Variants in DOP1B observed in about 807,000 individuals in gnomAD.
DOP1B encodes the protein DOP1 leucine zipper like protein B, also known as protein DOP1B.
DOP1B carries 174 observed loss-of-function variants against 233.5 expected under a neutral mutation model. The ratio of observed to expected loss-of-function variants is 0.75; its 90% confidence interval spans 0.66 to 0.85. The LOEUF is 0.85. Ranked by LOEUF, DOP1B falls within the 40% of genes least tolerant of loss-of-function variation. DOP1B has a pLI of 0.00. For synonymous variants in DOP1B, 1,190 were observed against 1,185.6 expected, an observed-to-expected ratio of 1.00 and a Z score of -0.08; for missense variants, 2,652 against 2,846.6, an observed-to-expected ratio of 0.93 and a Z score of 1.56.
intron 2 of DOP1B, among the ~76,000 whole-genome samples, chr21:36,193,017 C>A (rs1328645528): frequency 6.6e-6 from 1 of 152,140 alleles, no homozygotes; most frequent in Non-Finnish European, 1.5e-5. Flanking sequence ...CAAGGAAATT[C>A]ATACTGTTTT....
chr21:36,237,525 A>G, intron 16 of DOP1B, 111 bp downstream of exon 16: 1 of 1,335,104 alleles, frequency 7.5e-7, no homozygotes, highest in Non-Finnish European at 1.0e-6. Flanking sequence ...CTGAGTGGAC[A>G]TCGTGATTAA....
At chr21:36,160,698 G>A (rs1964180) in intron 1 of DOP1B, among the ~76,000 whole-genome samples, 119,249 of 152,004 alleles carry the variant, frequency 0.78, 46,817 homozygotes, top group East Asian at 0.83. Context: ...TGCTGGTCAC[G>A]AACTCCTGAT....
chr21:36,217,301 C>G (rs1408972361), intron 9 of DOP1B, among the ~76,000 whole-genome samples: 11 of 152,172 alleles, frequency 7.2e-5, no homozygotes, highest in Admixed American at 3.3e-4. Flanking sequence ...TAATAATAAC[C>G]ATGGCTGACA....
At chr21:36,192,504 C>T (rs908709890) in intron 2 of DOP1B, among the ~76,000 whole-genome samples, 1 of 151,818 alleles carries the variant, frequency 6.6e-6, no homozygotes, top group South Asian at 2.1e-4. Context: ...CTCAGCCTCC[C>T]AGGTAGCTAG....
Position 36,260,688 on chromosome 21 carries a change from A to C in DOP1B, c.5271A>C (p.Leu1757=). 1 of 1,614,114 alleles carries C rather than the reference A, an allele frequency of 6.2e-7. No homozygotes were observed. Among genetic ancestry groups the C allele is most frequent in the Admixed American group, 1.7e-5 (1 of 60,000 alleles). Residue 1757 remains leucine (L), a synonymous_variant, in exon 24 of 37, where the codon CTA becomes CTC. Transcript: ENST00000691173. The part of the protein sequence containing the change: ...QVKGGDEKSP[L]VDIPVLQFCY... ...ACTTTCATTTTCAGAAATCGCCCCT[A>C]GTGGACATTCCTGTGTTGCAGTTTT... is the stretch of plus-strand genomic sequence containing the variant.
At chr21:36,227,551 AAAGAAAG>A in intron 12 of DOP1B, 128 bp from the exon 13 acceptor site, 1 of 798,932 alleles carries the variant, frequency 1.3e-6, no homozygotes, top group Non-Finnish European at 1.8e-6. Context: ...TGTCAAAAAA[AAAGAAAG>A]AAAGAAAGAA....
chr21:36,159,438 C>T (rs1246039486), intron 1 of DOP1B, among the ~76,000 whole-genome samples: 4 of 151,852 alleles, frequency 2.6e-5, no homozygotes, highest in South Asian at 2.1e-4. Context: ...TCAACAAGAG[C>T]GAAACTCCAT....
At chr21:36,211,911 G>A (rs531657246) in intron 6 of DOP1B, 63 bp from the exon 7 acceptor site, 1 of 1,609,968 alleles carries the variant, frequency 6.2e-7, no homozygotes, top group African/African-American at 1.3e-5. Flanking sequence ...AGGGCTGCGT[G>A]TCAAAAAGTC....
intron 24 of DOP1B, among the ~76,000 whole-genome samples, chr21:36,262,444 G>A (rs1044538815): frequency 7.9e-5 from 12 of 152,200 alleles, no homozygotes; most frequent in South Asian, 2.1e-4. Context: ...GCTTTGGAGC[G>A]GTGATCTCAG....
chr21:36,233,126 A>C, intron 15 of DOP1B, 51 bp downstream of exon 15: 1 of 1,579,950 alleles, frequency 6.3e-7, no homozygotes. Flanking sequence ...CCCCCTGAGC[A>C]AAACTCAGAA....
At position 36,245,991 on chromosome 21, in the gene DOP1B, C is replaced by T; in HGVS notation, c.4011C>T (p.Asp1337=). The T allele has an allele frequency of 6.2e-7, 1 of 1,614,096 alleles. No individual in the cohort carries two copies. Among genetic ancestry groups the T allele is most frequent in the Non-Finnish European group, 8.5e-7 (1 of 1,180,014 alleles). ...YPCYLKVSHR[D]ILGNRDVQVK... ...GCTATTTGAAGGTCTCGCACCGAGA[C>T]ATTCTCGGCAACCGGGACGTGCAGG... The change falls in exon 19 of 37, where the codon GAC becomes GAT. Residue 1337 remains aspartate (D), a synonymous_variant. Transcript: ENST00000691173. This position sits in a 1 kb window ranked among gnomAD's most constrained non-coding sequence, Gnocchi z 5.5.
chr21:36,252,175 TA>T (rs77251657), intron 22 of DOP1B, among the ~76,000 whole-genome samples: 35,301 of 147,342 alleles, frequency 0.24, 4,362 homozygotes, highest in Middle Eastern at 0.31. Flanking sequence ...AGTCCCTATC[TA>T]AAAAAAAAAA....
intron 23 of DOP1B, among the ~76,000 whole-genome samples, chr21:36,256,837 T>C (rs143508836): frequency 1.2e-4 from 18 of 152,120 alleles, no homozygotes; most frequent in African/African-American, 3.6e-4. Flanking sequence ...ACCCCAAATA[T>C]GCGGGGAGTT....
chr21:36,282,418 C>G (rs1265801015), intron 32 of DOP1B, among the ~76,000 whole-genome samples: 1 of 151,810 alleles, frequency 6.6e-6, no homozygotes, highest in Non-Finnish European at 1.5e-5. Flanking sequence ...AACTCTGTCT[C>G]TAAATAAATA....
At chr21:36,247,740 C>T (rs1025094029) in intron 20 of DOP1B, 112 bp downstream of exon 20, 20 of 697,990 alleles carry the variant, frequency 2.9e-5, no homozygotes, top group Non-Finnish European at 4.6e-5. Context: ...AACTAATATG[C>T]GTATGGAGGT....
At chr21:36,230,029 G>A (rs891654077) in intron 13 of DOP1B, among the ~76,000 whole-genome samples, 1 of 151,228 alleles carries the variant, frequency 6.6e-6, no homozygotes, top group African/African-American at 2.4e-5. Flanking sequence ...TTGTTAATTT[G>A]TCGGAAACAG....
chr21:36,232,915 T>A lies in DOP1B; in HGVS notation c.2462T>A (p.Ile821Lys), dbSNP rs779059392. ...NVAISTLLEV[I>K]NHSQSLALVI... Reference sequence around the variant, plus strand: ...GCCATTTCCACTCTGCTGGAAGTGATAAACCATTCCCAGTCCCTGGCGCTT... The same window carrying A: ...GCCATTTCCACTCTGCTGGAAGTGAAAAACCATTCCCAGTCCCTGGCGCTT... Residue 821 changes from isoleucine to lysine, a missense_variant, in exon 15 of 37, where the codon ATA becomes AAA. Physicochemically the swap from Ile to Lys is moderately radical, Grantham distance 102. Around this residue, in one of 3 missense-constraint regions of DOP1B, gnomAD observed 2,617 missense variants for 2,794.3 expected, o/e 0.94. Coordinates refer to ENST00000691173, the MANE Select transcript of DOP1B (RefSeq NM_001320714.2). 5 of 1,614,062 alleles carry A rather than the reference T, an allele frequency of 3.1e-6. No individual in the cohort carries two copies. In the South Asian group the frequency reaches 4.4e-5, roughly 14 times the overall value.
At chr21:36,252,891 C>G (rs1033951091) in intron 22 of DOP1B, among the ~76,000 whole-genome samples, 3 of 152,224 alleles carry the variant, frequency 2.0e-5, no homozygotes, top group African/African-American at 7.2e-5. Flanking sequence ...TTTTCAACCT[C>G]AATCCTCTTC....
chr21:36,251,538 G>C (rs2067032836), intron 22 of DOP1B, among the ~76,000 whole-genome samples: 1 of 152,152 alleles, frequency 6.6e-6, no homozygotes, highest in African/African-American at 2.4e-5. Flanking sequence ...TCCTGCCTCA[G>C]CCTCCCATGT....
Sources: gnomAD v4.1 joint callset for allele counts (sites outside exome capture counted in the v4.1 genomes callset) on GRCh38, gnomAD v4.1.1 for gene constraint, gnomAD v4.1.1 regional missense constraint, Gnocchi (gnomAD v3.1) non-coding constraint, MANE v1.5 for transcripts, NCBI Gene and HGNC (gene_info 2026-07-23, HGNC 2026-07-21) for gene names.